Variants in SPEF2 observed in about 807,000 individuals in gnomAD.
SPEF2 encodes the protein sperm flagellar and cilia associated 2.
A neutral mutation model predicts 224.6 loss-of-function variants in SPEF2; 187 were observed. The observed-to-expected ratio is 0.83, with a 90% CI of 0.74 to 0.94. SPEF2 has a LOEUF of 0.94. Among genes scored for constraint, SPEF2 ranks in the 40% least tolerant of loss-of-function variants. The pLI is 0.00. For synonymous variants in SPEF2, 715 were observed against 707.3 expected (o/e 1.01, Z -0.17); for missense variants, 2,170 against 2,135.6 (o/e 1.02, Z -0.32).
chr5:35,670,492 A>G (rs1561169427), intron 10 of SPEF2: 42 of 1,079,358 alleles, frequency 3.9e-5, no homozygotes, highest in Non-Finnish European at 4.6e-5. Context: ...CAGATTTCAG[A>G]ATTTTTAAAA....
chr5:35,811,344 G>A (rs1758518496), intron 36 of SPEF2, among the ~76,000 whole-genome samples: 1 of 152,220 alleles, frequency 6.6e-6, no homozygotes, highest in South Asian at 2.1e-4. Flanking sequence ...ATTATAAACA[G>A]TGGGAAGTGA....
chr5:35,751,094 CACAT>C (rs1467431457), intron 23 of SPEF2, among the ~76,000 whole-genome samples: 4 of 20,882 alleles, frequency 1.9e-4, no homozygotes, highest in Non-Finnish European at 3.2e-4. Flanking sequence ...CACACACACA[CACAT>C]ATATATATAT....
intron 20 of SPEF2, among the ~76,000 whole-genome samples, chr5:35,725,620 A>C (rs1392765081): frequency 6.6e-6 from 1 of 152,088 alleles, no homozygotes; most frequent in Non-Finnish European, 1.5e-5. Context: ...CTTAGTTGTA[A>C]ATTTTGGTTC....
intron 25 of SPEF2, among the ~76,000 whole-genome samples, chr5:35,760,926 G>T (rs1000394551): frequency 1.2e-4 from 18 of 151,786 alleles, no homozygotes; most frequent in Non-Finnish European, 2.4e-4. Context: ...GTATAGTGAA[G>T]AATTAAAACA....
At position 35,763,646 on chromosome 5, in the gene SPEF2, G is replaced by A. The variant is rs771625831; in HGVS notation, c.3745G>A (p.Asp1249Asn). Reference protein sequence around the residue: ...LENVESNFEADEKLVMDTWQQ... With the variant: ...LENVESNFEANEKLVMDTWQQ... ...AAACGTTGAGTCCAACTTTGAGGCC[G>A]ATGAAAAGTTGGTCATGGACACCTG... The change falls in exon 26 of 37, where the codon GAT becomes AAT. Residue 1249 changes from aspartate (D) to asparagine (N), a missense_variant. Coordinates refer to ENST00000356031, the MANE Select transcript of SPEF2 (RefSeq NM_024867.4). 10 of 1,613,692 alleles carry A rather than the reference G, an allele frequency of 6.2e-6. No individual in the cohort carries two copies. In the East Asian group the frequency reaches 6.7e-5, roughly 11 times the overall value.
intron 1 of SPEF2, among the ~76,000 whole-genome samples, chr5:35,626,178 A>T (rs1466251324): frequency 6.6e-6 from 1 of 152,188 alleles, no homozygotes; most frequent in Non-Finnish European, 1.5e-5. Flanking sequence ...GCTTTAGGAC[A>T]TACTCTTCTC....
At chr5:35,798,754 C>T (rs897097707) in intron 33 of SPEF2, among the ~76,000 whole-genome samples, 6 of 152,120 alleles carry the variant, frequency 3.9e-5, no homozygotes, top group Middle Eastern at 3.4e-3. Flanking sequence ...CCACCAGACC[C>T]GGCTAATTTT....
intron 36 of SPEF2, among the ~76,000 whole-genome samples, chr5:35,810,784 C>T (rs1169057406): frequency 6.6e-6 from 1 of 152,202 alleles, no homozygotes; most frequent in African/African-American, 2.4e-5. Flanking sequence ...ACCAGTCTCA[C>T]AATACCTGTA....
At chr5:35,637,496 C>T (rs997772697) in intron 2 of SPEF2, among the ~76,000 whole-genome samples, 36 of 152,144 alleles carry the variant, frequency 2.4e-4, no homozygotes, top group Non-Finnish European at 3.4e-4. Flanking sequence ...GCAAAAGAAC[C>T]TCTGATATTT....
At position 35,721,545 on chromosome 5, in the gene SPEF2, G is replaced by A. The variant is rs114720510; in HGVS notation, c.2915-6130G>A. ...GCAGTCTGTAACCTTAAAACACTTAGCAAACCTTGCATCTGACCTGGATTT... is the reference window on the plus strand; with the variant it reads ...GCAGTCTGTAACCTTAAAACACTTAACAAACCTTGCATCTGACCTGGATTT... On this transcript the variant is annotated intron_variant, in intron 20 of 36. Transcript: ENST00000356031. Among the ~76,000 whole-genome samples, 632 of 152,270 alleles carry A rather than the reference G, an allele frequency of 4.2e-3. 7 individuals are homozygous for A. Among genetic ancestry groups the A allele is most frequent in the African/African-American group, 0.014 (600 of 41,540 alleles).
intron 25 of SPEF2, among the ~76,000 whole-genome samples, chr5:35,760,534 C>A (rs1206020050): frequency 6.6e-6 from 1 of 151,944 alleles, no homozygotes; most frequent in Non-Finnish European, 1.5e-5. Flanking sequence ...TGATAATGAC[C>A]TTATGAGAGT....
intron 6 of SPEF2, among the ~76,000 whole-genome samples, 187 bp from the exon 7 acceptor site, chr5:35,654,353 G>T (rs1183869810): frequency 1.3e-5 from 2 of 152,002 alleles, no homozygotes; most frequent in Non-Finnish European, 2.9e-5. Context: ...ATGGGGTGAA[G>T]CAAATGGGAT....
chr5:35,804,919 G>A (rs1033927522), intron 34 of SPEF2, among the ~76,000 whole-genome samples: 9 of 152,028 alleles, frequency 5.9e-5, no homozygotes, highest in Admixed American at 3.9e-4. Context: ...GCTACACTCT[G>A]AATAGAAATT....
intron 34 of SPEF2, 26 bp downstream of exon 34, chr5:35,800,173 A>C: frequency 6.2e-7 from 1 of 1,611,228 alleles, no homozygotes. Context: ...AAATAGACTA[A>C]CTATAGAGTC....
chr5:35,664,348 GGAAGGAAGGAAGGAAA>G (rs1580176643), intron 8 of SPEF2, among the ~76,000 whole-genome samples: 2 of 151,030 alleles, frequency 1.3e-5, no homozygotes, highest in Admixed American at 1.3e-4. Context: ...GAGAGACGAG[GGAAGGAAGGAAGGAAA>G]GAAGGAAGGA....
chr5:35,699,471 A>G (rs1265003710), intron 15 of SPEF2: 1 of 152,194 alleles, frequency 6.6e-6, no homozygotes. Flanking sequence ...CCTATAATCT[A>G]ACTGAGATTT....
intron 1 of SPEF2, among the ~76,000 whole-genome samples, chr5:35,618,702 G>C (rs1215176229): frequency 1.3e-5 from 2 of 151,718 alleles, no homozygotes; most frequent in African/African-American, 2.4e-5. Flanking sequence ...GTCACTATTG[G>C]CTCTTGCCCA....
chr5:35,740,955 C>A (rs1244253759), intron 23 of SPEF2, among the ~76,000 whole-genome samples: 1 of 152,100 alleles, frequency 6.6e-6, no homozygotes, highest in African/African-American at 2.4e-5. Context: ...TACTAACAGT[C>A]AAAACTGATT....
At chr5:35,780,132 C>T (rs1156984266) in intron 30 of SPEF2, among the ~76,000 whole-genome samples, 1 of 152,190 alleles carries the variant, frequency 6.6e-6, no homozygotes, top group Non-Finnish European at 1.5e-5. Context: ...CTTGCCCCTT[C>T]TCACTGAACT....
Sources: allele counts gnomAD v4.1 joint callset (sites outside exome capture counted in the v4.1 genomes callset), GRCh38; gene constraint gnomAD v4.1.1; transcripts MANE v1.5; gene names NCBI Gene and HGNC (gene_info 2026-07-23, HGNC 2026-07-21).